The following ST8SIA1 variants were observed in gnomAD, a reference collection of about 807,000 sequenced individuals.
ST8SIA1 encodes ST8 alpha-N-acetyl-neuraminide alpha-2,8-sialyltransferase 1, also known as alpha-N-acetylneuraminide alpha-2,8-sialyltransferase.
ST8SIA1 carries 16 observed loss-of-function variants against 35.9 expected under a neutral mutation model. The ratio of observed to expected loss-of-function variants is 0.45; its 90% CI spans 0.30 to 0.68. The LOEUF is 0.68. Ranked by LOEUF, ST8SIA1 falls within the 30% of genes least tolerant of loss-of-function variation. ST8SIA1 has a pLI of 0.09. For synonymous variants in ST8SIA1, 170 were observed against 169.6 expected (o/e 1.00, Z -0.02); for missense variants, 383 against 453.6 (o/e 0.84, Z 1.41).
At chr12:22,294,816 G>A (rs1866223626) in intron 1 of ST8SIA1, among the ~76,000 whole-genome samples, 1 of 152,114 alleles carries the variant, frequency 6.6e-6, no homozygotes, top group Non-Finnish European at 1.5e-5. Context: ...AAATTATGTG[G>A]ATTAAAGAAT....
At chr12:22,303,228 C>G (rs1026236575) in intron 1 of ST8SIA1, among the ~76,000 whole-genome samples, 12 of 152,082 alleles carry the variant, frequency 7.9e-5, no homozygotes, top group African/African-American at 2.9e-4. Flanking sequence ...GCCATTAGGA[C>G]AATTTGCTGA....
chr12:22,284,393 G>A (rs1171251731), intron 2 of ST8SIA1, among the ~76,000 whole-genome samples: 3 of 152,118 alleles, frequency 2.0e-5, no homozygotes, highest in Non-Finnish European at 4.4e-5. Context: ...ACCTGCACAC[G>A]CTATTTTCTT....
chr12:22,326,138 A>G (rs1295654765), intron 1 of ST8SIA1: 2 of 416,712 alleles, frequency 4.8e-6, no homozygotes, highest in Non-Finnish European at 8.4e-6. Context: ...GCTGTTAATT[A>G]GATTATAAAA....
At position 22,201,408 on chromosome 12, in the gene ST8SIA1, GT is replaced by G; in HGVS notation, c.*143del. On this transcript the variant is annotated 3_prime_UTR_variant, in exon 5 of 5. Coordinates refer to ENST00000396037, the MANE Select transcript of ST8SIA1 (RefSeq NM_003034.4). Reference sequence around the variant, plus strand: ...CCTCCAAGCCAACGCTGAAAGTAAAGTTTTGCTTGGATCTTCATTGCTCCTT... The same window carrying G: ...CCTCCAAGCCAACGCTGAAAGTAAAGTTTGCTTGGATCTTCATTGCTCCTT... 2 of 1,158,302 alleles carry G rather than the reference GT, an allele frequency of 1.7e-6. No homozygotes were observed. The highest frequency in any genetic ancestry group is 2.4e-6 in the Non-Finnish European group (2 of 834,290). The allele number at this position is 1,158,302 out of a possible 1,614,324, so 71.8% of individuals were successfully genotyped here. A position where few individuals can be genotyped will look rare whatever the true frequency, so the allele number is the denominator to read the frequency against.
intron 2 of ST8SIA1, among the ~76,000 whole-genome samples, chr12:22,258,624 G>A (rs771070375): frequency 3.3e-5 from 5 of 152,198 alleles, no homozygotes; most frequent in South Asian, 2.1e-4. Context: ...TTAGTTCAGC[G>A]ATAAGAACAA....
intron 1 of ST8SIA1, among the ~76,000 whole-genome samples, chr12:22,306,835 C>T (rs560976070): frequency 3.9e-5 from 6 of 152,276 alleles, no homozygotes; most frequent in Admixed American, 2.0e-4. Flanking sequence ...ATTATCCATA[C>T]TTCTCACATT....
intron 2 of ST8SIA1, among the ~76,000 whole-genome samples, chr12:22,283,852 C>G (rs1866064392): frequency 6.6e-6 from 1 of 152,096 alleles, no homozygotes; most frequent in Non-Finnish European, 1.5e-5. Flanking sequence ...CCCTCTTGTT[C>G]TCAAGAGCTC....
At chr12:22,202,758 G>C (rs1040108994) in intron 4 of ST8SIA1, among the ~76,000 whole-genome samples, 1 of 152,160 alleles carries the variant, frequency 6.6e-6, no homozygotes, top group Non-Finnish European at 1.5e-5. Context: ...AAATAATTCT[G>C]CCTGGAAAGA....
chr12:22,228,854 G>C (rs972159683), intron 4 of ST8SIA1, among the ~76,000 whole-genome samples: 1 of 152,094 alleles, frequency 6.6e-6, no homozygotes, highest in Non-Finnish European at 1.5e-5. Flanking sequence ...AGGAGTTCAA[G>C]ACCAGCCTGG....
At chr12:22,272,305 G>C (rs1443920139) in intron 2 of ST8SIA1, among the ~76,000 whole-genome samples, 1 of 152,158 alleles carries the variant, frequency 6.6e-6, no homozygotes, top group Non-Finnish European at 1.5e-5. Context: ...AGTCCTAGGG[G>C]ATTACTTAAT....
At chr12:22,254,532 G>C (rs537688190) in intron 3 of ST8SIA1, among the ~76,000 whole-genome samples, 1 of 152,098 alleles carries the variant, frequency 6.6e-6, no homozygotes, top group Admixed American at 6.5e-5. Context: ...CTCTCACCCA[G>C]ATAATCCCAA....
intron 4 of ST8SIA1, among the ~76,000 whole-genome samples, chr12:22,219,799 T>C (rs777085076): frequency 2.6e-5 from 4 of 152,280 alleles, no homozygotes; most frequent in Non-Finnish European, 5.9e-5. Flanking sequence ...TAAGACATCA[T>C]GCCAGGGTAT....
At position 22,201,315 on chromosome 12, in the gene ST8SIA1, C is replaced by A; in HGVS notation, c.*237G>T. The A allele has an allele frequency of 2.2e-6, 1 of 452,756 alleles. No homozygotes were observed. The highest frequency in any genetic ancestry group is 2.0e-5 in the African/African-American group (1 of 50,104). 28.0% of individuals were successfully genotyped at this position (452,756 alleles called of 1,614,324 possible). On this transcript the variant is annotated 3_prime_UTR_variant, in exon 5 of 5. Coordinates refer to ENST00000396037, the MANE Select transcript of ST8SIA1 (RefSeq NM_003034.4). ...TGCTTTACCAACAGCATTTCACCAG[C>A]ATTTTACTAGTTGCAAATCTGCCAT...
chr12:22,268,750 G>A (rs1188918125), intron 2 of ST8SIA1: 1 of 152,118 alleles, frequency 6.6e-6, no homozygotes, highest in Non-Finnish European at 1.5e-5. Context: ...ATTCCACCTG[G>A]TCCCTCCCTT....
At chr12:22,232,423 A>G (rs559922805) in intron 4 of ST8SIA1, among the ~76,000 whole-genome samples, 18 of 152,342 alleles carry the variant, frequency 1.2e-4, no homozygotes, top group African/African-American at 4.1e-4. Context: ...GAGCAAATGA[A>G]AAATGGAGTT....
intron 1 of ST8SIA1, chr12:22,325,566 T>G: frequency 1.5e-6 from 1 of 686,034 alleles, no homozygotes; most frequent in Non-Finnish European, 2.6e-6. Flanking sequence ...GTTACTTGGT[T>G]TCTTACTGAT....
At chr12:22,256,526 C>A (rs948874856) in intron 2 of ST8SIA1, among the ~76,000 whole-genome samples, 1 of 152,116 alleles carries the variant, frequency 6.6e-6, no homozygotes, top group Non-Finnish European at 1.5e-5. Context: ...GAATCTCAAG[C>A]AAATAATATG....
Position 22,198,067 on chromosome 12 carries a change from T to C in ST8SIA1, c.*3485A>G, listed in dbSNP as rs946780733. On this transcript the variant is annotated 3_prime_UTR_variant, in exon 5 of 5. Coordinates refer to ENST00000396037, the MANE Select transcript of ST8SIA1 (RefSeq NM_003034.4). ...CTTAATCCTTCACCTACCTTCATGA[T>C]CTTTGGAATCAATGCAGTTCTCAAA... is the stretch of plus-strand genomic sequence containing the variant. The C allele has an allele frequency of 6.6e-6, 1 of 152,178 alleles. No individual in the cohort carries two copies. Among genetic ancestry groups the C allele is most frequent in the Non-Finnish European group, 1.5e-5 (1 of 68,038 alleles). 9.4% of individuals were successfully genotyped at this position (152,178 alleles called of 1,614,324 possible).
intron 4 of ST8SIA1, among the ~76,000 whole-genome samples, chr12:22,213,212 C>A (rs1016650249): frequency 2.0e-5 from 3 of 152,158 alleles, no homozygotes; most frequent in Admixed American, 6.5e-5. Flanking sequence ...TCCTTAAAAA[C>A]CCCAGCCTCT....
Sources: allele counts gnomAD v4.1 joint callset (sites outside exome capture counted in the v4.1 genomes callset), GRCh38; gene constraint gnomAD v4.1.1; transcripts MANE v1.5; gene names NCBI Gene and HGNC (gene_info 2026-07-23, HGNC 2026-07-21).